Variants in ZIM2 observed in about 807,000 individuals in gnomAD.
The protein encoded by ZIM2 is zinc finger imprinted 2, also known as zinc finger protein 656.
In ZIM2, 14 loss-of-function variants were observed where a neutral mutation model predicts 38.6. That is an observed-to-expected ratio of 0.36 (90% confidence interval 0.24 to 0.57). ZIM2 has a LOEUF of 0.57. ZIM2 is among the 20% of genes least tolerant of loss of function. ZIM2 has a pLI of 0.81. For synonymous variants in ZIM2, 247 were observed against 245.8 expected, an observed-to-expected ratio of 1.00 and a Z score of -0.04; for missense variants, 680 against 695.1, an observed-to-expected ratio of 0.98 and a Z score of 0.24.
intron 1 of ZIM2, among the ~76,000 whole-genome samples, chr19:56,840,062 G>C: frequency 6.6e-6 from 1 of 152,194 alleles, no homozygotes; most frequent in East Asian, 1.9e-4. Flanking sequence ...GCACGCCGGC[G>C]CCGCGAGGCC....
intron 9 of ZIM2, chr19:56,813,677 A>G: frequency 6.2e-7 from 1 of 1,611,438 alleles, no homozygotes; most frequent in Non-Finnish European, 8.5e-7. Context: ...CCATGCCCTC[A>G]GCCAGTGTGG....
chr19:56,781,302 A>G (rs564120279), intron 11 of ZIM2, among the ~76,000 whole-genome samples: 4 of 152,218 alleles, frequency 2.6e-5, no homozygotes, highest in Admixed American at 6.5e-5. Context: ...CCACTGAAAA[A>G]GGAGCTTGGC....
At chr19:56,804,119 A>T (rs868239854) in intron 9 of ZIM2, among the ~76,000 whole-genome samples, 1 of 152,210 alleles carries the variant, frequency 6.6e-6, no homozygotes, top group South Asian at 2.1e-4. Context: ...CCACGTGGGG[A>T]TAGCAGGGGT....
chr19:56,780,072 GT>G (rs1424967354), intron 11 of ZIM2, among the ~76,000 whole-genome samples: 1 of 152,042 alleles, frequency 6.6e-6, no homozygotes, highest in South Asian at 2.1e-4. Context: ...CATCTATTTT[GT>G]AACCAAAATG....
intron 9 of ZIM2, among the ~76,000 whole-genome samples, chr19:56,808,146 A>C (rs1269704684): frequency 1.3e-5 from 2 of 152,122 alleles, no homozygotes; most frequent in African/African-American, 4.8e-5. Context: ...CTTTGCTGGC[A>C]TGAGGGAGGG....
chr19:56,828,079 A>T (rs1245357851), intron 2 of ZIM2, among the ~76,000 whole-genome samples: 1 of 152,214 alleles, frequency 6.6e-6, no homozygotes, highest in African/African-American at 2.4e-5. Context: ...CAATAAACAA[A>T]ACTACCAGTA....
At chr19:56,797,850 A>T (rs2047310097) in intron 9 of ZIM2, 1 of 152,218 alleles carries the variant, frequency 6.6e-6, no homozygotes, top group African/African-American at 2.4e-5. Context: ...TCAATAAGAC[A>T]CCAGGGATGC....
chr19:56,786,047 C>T (rs2046582151), intron 10 of ZIM2, among the ~76,000 whole-genome samples: 1 of 152,140 alleles, frequency 6.6e-6, no homozygotes, highest in South Asian at 2.1e-4. Context: ...CCAACATCTT[C>T]CCACGCCCTA....
In ZIM2 at chr19:56,775,197, T is replaced by C. The variant is rs2045937231; in HGVS notation, c.1168A>G (p.Lys390Glu). The change falls in exon 13 of 13, where the codon AAA becomes GAA. Residue 390 changes from lysine (K) to glutamate (E), a missense_variant. Transcript: ENST00000629319. ...AGATAGAAGGCTTCAGCACACTGTT[T>C]ACATTCATAGGGTTTCTTCCCAGTA... Reference protein sequence around the residue: ...IHTGKKPYECKQCAEAFYLMP... With the variant: ...IHTGKKPYECEQCAEAFYLMP... The C allele has an allele frequency of 3.1e-6, 5 of 1,614,050 alleles. No individual in the cohort carries two copies. The highest frequency in any genetic ancestry group is 4.2e-6 in the Non-Finnish European group (5 of 1,180,044).
chr19:56,783,018 A>G (rs1342687881), intron 10 of ZIM2, among the ~76,000 whole-genome samples: 2 of 151,894 alleles, frequency 1.3e-5, no homozygotes, highest in Non-Finnish European at 2.9e-5. Context: ...CAGCCCCCCA[A>G]CTACCCTTCC....
chr19:56,811,067 G>GA (rs34172934), intron 9 of ZIM2: 231,900 of 983,262 alleles, frequency 0.24, 28,724 homozygotes, highest in Non-Finnish European at 0.25. Context: ...AAGATAAGAG[G>GA]AGAGTATATG....
chr19:56,806,967 C>T (rs183256392), intron 9 of ZIM2, among the ~76,000 whole-genome samples: 4 of 152,256 alleles, frequency 2.6e-5, no homozygotes, highest in Admixed American at 2.6e-4. Flanking sequence ...TATAAATTCC[C>T]CAGTCTAAGA....
At chr19:56,828,345 A>G (rs554698485) in intron 2 of ZIM2, among the ~76,000 whole-genome samples, 37 of 152,276 alleles carry the variant, frequency 2.4e-4, no homozygotes, top group African/African-American at 8.9e-4. Flanking sequence ...ATACCCCTCA[A>G]TTACACCCAA....
intron 9 of ZIM2, chr19:56,813,463 A>G: frequency 7.2e-7 from 1 of 1,388,402 alleles, no homozygotes; most frequent in Non-Finnish European, 9.3e-7. Context: ...GCTTTCCCAC[A>G]TGCAGACACT....
In ZIM2 at chr19:56,812,382, C is replaced by T. The variant is rs1210693049; in HGVS notation, c.490+5364G>A. 5.1e-6 allele frequency: 5 copies of T among 984,456 alleles called. No homozygotes were observed. In the African/African-American group the frequency reaches 7.0e-5, roughly 14 times the overall value. The allele number at this position is 984,456 out of a possible 1,614,324, so 61.0% of individuals were successfully genotyped here. A position where few individuals can be genotyped will look rare whatever the true frequency, so the allele number is the denominator to read the frequency against. On this transcript the variant is annotated intron_variant, in intron 9 of 12. Coordinates refer to ENST00000629319, the MANE Select transcript of ZIM2 (RefSeq NM_001387356.1). The stretch of plus-strand genomic sequence containing the variant: ...AAAACAAATTAAGGCTGCTGGGGAA[C>T]CTGAGTCCATGTTAAGCTTGGGTTG...
intron 9 of ZIM2, among the ~76,000 whole-genome samples, chr19:56,809,098 T>C (rs1261699063): frequency 1.3e-5 from 2 of 152,188 alleles, no homozygotes; most frequent in Non-Finnish European, 1.5e-5. Context: ...CAACCCCTAA[T>C]GACACCTACT....
intron 12 of ZIM2, among the ~76,000 whole-genome samples, chr19:56,779,136 G>T (rs2046184441): frequency 6.6e-6 from 1 of 152,060 alleles, no homozygotes; most frequent in Non-Finnish European, 1.5e-5. Context: ...AAGGAGAAAG[G>T]CATGAGTGGA....
At chr19:56,793,393 T>C (rs756445827) in intron 9 of ZIM2, 6 of 152,808 alleles carry the variant, frequency 3.9e-5, no homozygotes, top group African/African-American at 1.4e-4. Flanking sequence ...AGGACAGAGC[T>C]ACTCTTAAAG....
intron 9 of ZIM2, among the ~76,000 whole-genome samples, chr19:56,791,713 T>C (rs565266044): frequency 3.3e-5 from 5 of 152,324 alleles, no homozygotes; most frequent in African/African-American, 1.2e-4. Flanking sequence ...CCTTGCTATA[T>C]ATATGCCCCA....
Sources: gnomAD v4.1 joint callset for allele counts (sites outside exome capture counted in the v4.1 genomes callset) on GRCh38, gnomAD v4.1.1 for gene constraint, MANE v1.5 for transcripts, NCBI Gene and HGNC (gene_info 2026-07-23, HGNC 2026-07-21) for gene names.